The following CHST8 variants were observed in gnomAD, a reference collection of about 807,000 sequenced individuals.
CHST8 encodes the protein carbohydrate sulfotransferase 8.
Under a neutral mutation model 15.0 loss-of-function variants are expected in CHST8, and 10 were observed. The ratio of observed to expected loss-of-function variants is 0.67; its 90% CI spans 0.41 to 1.13. CHST8 has a LOEUF of 1.13. Ranked by LOEUF, CHST8 falls within the 50% of genes most tolerant of loss-of-function variation. CHST8 has a pLI of 0.00. For synonymous variants in CHST8, 259 were observed against 256.6 expected, an observed-to-expected ratio of 1.01 and a Z score of -0.09; for missense variants, 634 against 608.2, an observed-to-expected ratio of 1.04 and a Z score of -0.45.
chr19:33,670,729 C>G (rs190520354), intron 2 of CHST8, among the ~76,000 whole-genome samples: 111 of 152,296 alleles, frequency 7.3e-4, no homozygotes, highest in African/African-American at 2.6e-3. Context: ...AGGCGTTCAG[C>G]CTTTGCCAAC....
chr19:33,626,960 A>T (rs1381824075), intron 1 of CHST8, among the ~76,000 whole-genome samples: 5 of 150,882 alleles, frequency 3.3e-5, no homozygotes, highest in African/African-American at 1.2e-4. Context: ...ATTAATTTTT[A>T]ATTTTTTTTT....
intron 3 of CHST8, among the ~76,000 whole-genome samples, chr19:33,720,300 C>T (rs375447120): frequency 4.5e-4 from 69 of 151,884 alleles, no homozygotes; most frequent in African/African-American, 1.6e-3. Flanking sequence ...CACACTCCCA[C>T]ACACACATCA....
At chr19:33,682,187 G>GTTTTTTT (rs869056900) in intron 2 of CHST8, among the ~76,000 whole-genome samples, 28 of 95,286 alleles carry the variant, frequency 2.9e-4, no homozygotes, top group African/African-American at 3.8e-4. Context: ...TTTTGTTGTT[G>GTTTTTTT]TTTTTTTTTT....
chr19:33,634,667 G>A (rs916871282), intron 1 of CHST8, among the ~76,000 whole-genome samples: 1 of 52,546 alleles, frequency 1.9e-5, no homozygotes, highest in Non-Finnish European at 3.5e-5. Context: ...TTTTTTTCTT[G>A]TCACGAAACC....
intron 1 of CHST8, among the ~76,000 whole-genome samples, chr19:33,644,861 G>A (rs1437695344): frequency 6.6e-6 from 1 of 152,220 alleles, no homozygotes; most frequent in African/African-American, 2.4e-5. Flanking sequence ...GGTCAAGGTG[G>A]GCCTCCCTGA....
At chr19:33,686,611 G>C (rs1186152540) in intron 2 of CHST8, among the ~76,000 whole-genome samples, 1 of 152,194 alleles carries the variant, frequency 6.6e-6, no homozygotes, top group Non-Finnish European at 1.5e-5. Context: ...TTACCAGGCA[G>C]TTCTGGGCGC....
At chr19:33,657,280 T>G (rs1972522846) in intron 1 of CHST8, among the ~76,000 whole-genome samples, 1 of 151,602 alleles carries the variant, frequency 6.6e-6, no homozygotes, top group Non-Finnish European at 1.5e-5. Flanking sequence ...CTTTTTTTTT[T>G]TTTTTTGAGA....
At chr19:33,646,649 C>T (rs1216681748) in intron 1 of CHST8, among the ~76,000 whole-genome samples, 1 of 152,234 alleles carries the variant, frequency 6.6e-6, no homozygotes, top group East Asian at 1.9e-4. Context: ...CACAGTGGCT[C>T]ACGCCTGTTA....
chr19:33,653,035 T>G (rs556063013), intron 1 of CHST8, among the ~76,000 whole-genome samples: 24 of 152,364 alleles, frequency 1.6e-4, no homozygotes, highest in African/African-American at 5.0e-4. Flanking sequence ...TTTTAAAAAA[T>G]CATTATTACT....
intron 3 of CHST8, among the ~76,000 whole-genome samples, chr19:33,705,145 C>A (rs73926591): frequency 0.031 from 4,720 of 152,144 alleles, 241 homozygotes; most frequent in African/African-American, 0.11. Flanking sequence ...TCTCCCTATA[C>A]CCCCTGGGAG....
intron 1 of CHST8, among the ~76,000 whole-genome samples, chr19:33,625,418 C>T (rs368699116): frequency 2.6e-4 from 39 of 152,186 alleles, no homozygotes; most frequent in African/African-American, 8.4e-4. Flanking sequence ...CAATTAGAGC[C>T]GATAAACACC....
chr19:33,642,691 G>C (rs919124781), intron 1 of CHST8, among the ~76,000 whole-genome samples: 6 of 152,216 alleles, frequency 3.9e-5, no homozygotes, highest in African/African-American at 1.2e-4. Flanking sequence ...CTGCGGAAAT[G>C]CCTTTGCAAG....
intron 3 of CHST8, among the ~76,000 whole-genome samples, chr19:33,731,680 C>T (rs1486933476): frequency 1.3e-5 from 2 of 152,158 alleles, no homozygotes; most frequent in East Asian, 3.9e-4. Context: ...AGTATCTATA[C>T]AAGATGGAGT....
chr19:33,685,731 G>A (rs895797110), intron 2 of CHST8, among the ~76,000 whole-genome samples: 1 of 152,212 alleles, frequency 6.6e-6, no homozygotes. Context: ...CACTCCCCAG[G>A]CAGCAGCTGG....
At chr19:33,669,518 A>G (rs1224505283) in intron 2 of CHST8, among the ~76,000 whole-genome samples, 1 of 152,206 alleles carries the variant, frequency 6.6e-6, no homozygotes, top group Non-Finnish European at 1.5e-5. Context: ...TTCTTCCTGC[A>G]AAGCTCCATT....
At chr19:33,673,639 G>T (rs2145235291) in intron 2 of CHST8, among the ~76,000 whole-genome samples, 1 of 152,328 alleles carries the variant, frequency 6.6e-6, no homozygotes, top group Non-Finnish European at 1.5e-5. Context: ...GCACTTGCTG[G>T]AAGAATGCAT....
In CHST8 at chr19:33,773,008, A is replaced by G; in HGVS notation, c.1220A>G (p.Tyr407Cys). 6.2e-7 allele frequency: 1 copy of G among 1,612,660 alleles called. No homozygotes were observed. The highest frequency in any genetic ancestry group is 8.5e-7 in the Non-Finnish European group (1 of 1,179,988). The change falls in exon 5 of 5, where the codon TAC becomes TGC. Residue 407 changes from tyrosine to cysteine, a missense_variant. Physicochemically the swap from Tyr to Cys is radical, Grantham distance 194. Coordinates refer to ENST00000650847, the MANE Select transcript of CHST8 (RefSeq NM_001127895.2). ...ALQRQRTYDF[Y>C]YMDYLMFNYS... is the part of the protein sequence containing the mutation. ...CAAAGGCAGCGCACCTACGACTTCT[A>G]CTACATGGATTACCTGATGTTCAAC...
intron 3 of CHST8, among the ~76,000 whole-genome samples, chr19:33,732,482 T>A (rs1974013880): frequency 6.6e-6 from 1 of 151,576 alleles, no homozygotes; most frequent in African/African-American, 2.4e-5. Context: ...GGTGTTCCTG[T>A]GAATCTGTAG....
intron 2 of CHST8, among the ~76,000 whole-genome samples, chr19:33,678,386 C>T (rs1380120647): frequency 6.6e-6 from 1 of 152,158 alleles, no homozygotes; most frequent in East Asian, 1.9e-4. Context: ...TATTCTTAGT[C>T]TTGAGCCTTC....
Sources: allele counts gnomAD v4.1 joint callset (sites outside exome capture counted in the v4.1 genomes callset), GRCh38; gene constraint gnomAD v4.1.1; transcripts MANE v1.5; gene names NCBI Gene and HGNC (gene_info 2026-07-23, HGNC 2026-07-21).